PARD3B: variants seen among roughly 807,000 people sequenced by gnomAD.
PARD3B encodes the protein par-3 family cell polarity regulator beta.
Under a neutral mutation model 130.2 loss-of-function variants are expected in PARD3B, and 103 were observed. The ratio of observed to expected loss-of-function variants is 0.79; its 90% confidence interval spans 0.67 to 0.93. The LOEUF (loss-of-function observed/expected upper bound fraction) is 0.93, where lower values mean the gene tolerates loss of function less well. PARD3B is among the 40% of genes least tolerant of loss of function. The probability of loss-of-function intolerance (pLI) is 0.00; values close to 1 mark genes in which losing one functional copy is unlikely to be tolerated. For synonymous variants in PARD3B, 583 were observed against 553.2 expected (o/e 1.05, Z -0.76); for missense variants, 1,609 against 1,499.2 (o/e 1.07, Z -1.21).
At chr2:204,849,147 A>G (rs949534515) in intron 2 of PARD3B, among the ~76,000 whole-genome samples, 5 of 152,128 alleles carry the variant, frequency 3.3e-5, no homozygotes, top group Non-Finnish European at 4.4e-5. Context: ...TTGGAAAAAG[A>G]CATCCACTGA....
intron 18 of PARD3B, among the ~76,000 whole-genome samples, chr2:205,353,295 G>C (rs1191916157): frequency 1.3e-5 from 2 of 152,142 alleles, no homozygotes; most frequent in South Asian, 4.1e-4. Context: ...ACCTGCACTG[G>C]GCAGGCTACC....
At chr2:205,046,159 G>C (rs560104851) in intron 3 of PARD3B, among the ~76,000 whole-genome samples, 15 of 152,140 alleles carry the variant, frequency 9.9e-5, no homozygotes, top group African/African-American at 2.9e-4. Context: ...TTAGTCTTCA[G>C]ATTACCTAAG....
At chr2:205,034,945 C>T (rs1330513844) in intron 3 of PARD3B, among the ~76,000 whole-genome samples, 3 of 152,142 alleles carry the variant, frequency 2.0e-5, no homozygotes, top group Non-Finnish European at 2.9e-5. Flanking sequence ...CAACCTCCGC[C>T]ACCTGAGTTC....
At chr2:205,026,704 G>A (rs13028763) in intron 3 of PARD3B, among the ~76,000 whole-genome samples, 69,671 of 151,926 alleles carry the variant, frequency 0.46, 16,850 homozygotes, top group Admixed American at 0.56. Flanking sequence ...TTCATCCATG[G>A]CACCCATGAT....
At chr2:205,127,239 G>C (rs2031533336) in intron 10 of PARD3B, among the ~76,000 whole-genome samples, 1 of 147,812 alleles carries the variant, frequency 6.8e-6, no homozygotes, top group East Asian at 2.0e-4. Context: ...AGAGGTTGCA[G>C]TGAGCCAAGA....
chr2:205,356,113 G>T (rs1400455032), intron 18 of PARD3B, among the ~76,000 whole-genome samples: 1 of 152,158 alleles, frequency 6.6e-6, no homozygotes, highest in African/African-American at 2.4e-5. Context: ...CACTGAGCAA[G>T]CCACTGGTGC....
rs975792022 is a variant in PARD3B, at chr2:205,021,596, C to T, written c.395-25985C>T. On this transcript the variant is annotated intron_variant, in intron 3 of 22. Transcript: ENST00000406610. The surrounding 1 kb of genome is among the most constrained non-coding windows in gnomAD (Gnocchi z 4.5). Reference sequence around the variant, plus strand: ...TGCTCTCTTCTCTCTCTCTTCTCTTCTCTCTCTCTCTCTCTCTCTCTCTCC... The same window carrying T: ...TGCTCTCTTCTCTCTCTCTTCTCTTTTCTCTCTCTCTCTCTCTCTCTCTCC... 9.3e-5 allele frequency among the ~76,000 whole-genome samples: 11 copies of T among 117,872 alleles called. No individual in the cohort carries two copies. The highest frequency in any genetic ancestry group is 9.2e-4 in the Admixed American group (11 of 11,998). The allele number at this position is 117,872 out of a possible 152,430, so 77.3% of individuals were successfully genotyped here. A position where few individuals can be genotyped will look rare whatever the true frequency, so the allele number is the denominator to read the frequency against.
intron 11 of PARD3B, among the ~76,000 whole-genome samples, chr2:205,168,459 G>A: frequency 6.6e-6 from 1 of 152,192 alleles, no homozygotes; most frequent in Admixed American, 6.5e-5. Flanking sequence ...ATATTTACTA[G>A]AATTTAATAT....
In PARD3B at chr2:205,446,041, G is replaced by A. The variant is rs1161185101; in HGVS notation, c.3044+5369G>A. ...GCAGTGAGAACACAGTGTGGAAAGT[G>A]CAGCCGAAGAGTAAGTGCAGGGTAC... On this transcript the variant is annotated intron_variant, in intron 20 of 22. Transcript: ENST00000406610. The surrounding 1 kb of genome is among the most constrained non-coding windows in gnomAD (Gnocchi z 4.4). Among the ~76,000 whole-genome samples the A allele has an allele frequency of 6.6e-6, 1 of 152,198 alleles. No individual in the cohort carries two copies. Among genetic ancestry groups the A allele is most frequent in the Non-Finnish European group, 1.5e-5 (1 of 68,042 alleles).
rs2036680086 is a variant in PARD3B, at chr2:204,678,777, A to C, written c.121-7404A>C. ...GGCCAAAAAGTAGCATTTGAGCTGG[A>C]AAACGGATAACTGTTTTCATTTAGG... On this transcript the variant is annotated intron_variant, in intron 1 of 22. Transcript: ENST00000406610. The surrounding 1 kb of genome is among the most constrained non-coding windows in gnomAD (Gnocchi z 4.2). Among the ~76,000 whole-genome samples the C allele has an allele frequency of 6.6e-6, 1 of 152,036 alleles. No homozygotes were observed. The highest frequency in any genetic ancestry group is 6.6e-5 in the Admixed American group (1 of 15,264).
rs756023034 is a variant in PARD3B, at chr2:205,253,506, G to A, written c.2185+7684G>A. On this transcript the variant is annotated intron_variant, in intron 16 of 22. Coordinates refer to ENST00000406610, the MANE Select transcript of PARD3B (RefSeq NM_001302769.2). This position sits in a 1 kb window ranked among gnomAD's most constrained non-coding sequence, Gnocchi z 4.4. ...CTTGGCGGGCACTGGAAGTACCTGG[G>A]GAAGCAGGAGAGACTCACACTGCTG... 1.2e-4 allele frequency: 66 copies of A among 552,780 alleles called. No homozygotes were observed. Among genetic ancestry groups the A allele is most frequent in the African/African-American group, 1.1e-3 (57 of 52,660 alleles). The allele number at this position is 552,780 out of a possible 1,614,324, so 34.2% of individuals were successfully genotyped here.
chr2:205,579,227 G>T (rs1452493566), intron 22 of PARD3B, among the ~76,000 whole-genome samples: 2 of 152,134 alleles, frequency 1.3e-5, no homozygotes, highest in African/African-American at 4.8e-5. Flanking sequence ...GGGGGTGGAG[G>T]TGAGGAATGT....
chr2:205,178,267 G>C (rs1360359547), intron 13 of PARD3B, among the ~76,000 whole-genome samples: 1 of 136,452 alleles, frequency 7.3e-6, no homozygotes, highest in African/African-American at 2.8e-5. Flanking sequence ...TTAGTATACA[G>C]ATAAAAAAAA....
intron 22 of PARD3B, among the ~76,000 whole-genome samples, chr2:205,593,957 T>G (rs1455433387): frequency 1.3e-5 from 2 of 152,178 alleles, no homozygotes; most frequent in Non-Finnish European, 2.9e-5. Flanking sequence ...TCCACTCTTA[T>G]GAGAAGAAAA....
chr2:205,054,457 T>TTA (rs1699502414), intron 4 of PARD3B, among the ~76,000 whole-genome samples: 3 of 122,246 alleles, frequency 2.5e-5, no homozygotes, highest in Admixed American at 8.4e-5. Flanking sequence ...TTTTTTTTTT[T>TTA]AATTATACTC....
At chr2:204,681,541 A>G (rs1261784611) in intron 1 of PARD3B, among the ~76,000 whole-genome samples, 1 of 152,192 alleles carries the variant, frequency 6.6e-6, no homozygotes, top group African/African-American at 2.4e-5. Flanking sequence ...GAAGCCAGTT[A>G]GGGCTGGTTC....
chr2:204,615,605 C>T (rs748025604), intron 1 of PARD3B, among the ~76,000 whole-genome samples: 47 of 152,204 alleles, frequency 3.1e-4, no homozygotes, highest in East Asian at 5.8e-4. Flanking sequence ...TTGAATTTTA[C>T]GTTGGCAATG....
At chr2:204,666,364 T>G (rs772643929) in intron 1 of PARD3B, among the ~76,000 whole-genome samples, 2 of 152,008 alleles carry the variant, frequency 1.3e-5, no homozygotes, top group Non-Finnish European at 2.9e-5. Context: ...AATATTAAAC[T>G]AGAGAGGGAA....
At chr2:204,719,247 A>G (rs1340168806) in intron 2 of PARD3B, among the ~76,000 whole-genome samples, 1 of 152,230 alleles carries the variant, frequency 6.6e-6, no homozygotes, top group African/African-American at 2.4e-5. Flanking sequence ...TCTTAATGGA[A>G]TAATTATTTC....
Sources: allele counts gnomAD v4.1 joint callset (sites outside exome capture counted in the v4.1 genomes callset), GRCh38; gene constraint gnomAD v4.1.1; non-coding constraint Gnocchi (gnomAD v3.1); transcripts MANE v1.5; gene names NCBI Gene and HGNC (gene_info 2026-07-23, HGNC 2026-07-21).